Variants in DPP10 observed in about 807,000 individuals in gnomAD.
The protein encoded by DPP10 is dipeptidyl peptidase like 10, also known as inactive dipeptidyl peptidase 10.
DPP10 carries 33 observed loss-of-function variants against 120.9 expected under a neutral mutation model. The ratio of observed to expected loss-of-function variants is 0.27; its 90% CI spans 0.21 to 0.37. DPP10 has a LOEUF of 0.37. Among genes scored for constraint, DPP10 ranks in the 10% least tolerant of loss-of-function variants. The probability of loss-of-function intolerance (pLI) is 1.00; values close to 1 mark genes in which losing one functional copy is unlikely to be tolerated. For missense variants in DPP10, 816 were observed against 942.8 expected (o/e 0.87, Z 1.76); for synonymous variants, 337 against 326.1 (o/e 1.03, Z -0.36).
At chr2:114,825,230 A>G (rs1227577586) in intron 1 of DPP10, among the ~76,000 whole-genome samples, 1 of 152,228 alleles carries the variant, frequency 6.6e-6, no homozygotes, top group Non-Finnish European at 1.5e-5. Context: ...TTTATCCAAG[A>G]TAATTAGTTT....
chr2:115,799,367 G>A (rs974591268), intron 19 of DPP10, among the ~76,000 whole-genome samples: 6 of 151,478 alleles, frequency 4.0e-5, no homozygotes, highest in African/African-American at 1.5e-4. Flanking sequence ...ATTTATAAGG[G>A]CACACAAAAA....
At chr2:114,888,192 C>T (rs1278891945) in intron 1 of DPP10, among the ~76,000 whole-genome samples, 3 of 150,936 alleles carry the variant, frequency 2.0e-5, no homozygotes, top group Non-Finnish European at 4.4e-5. Flanking sequence ...ATCATAATAG[C>T]GCTGTATTAG....
Position 114,521,846 on chromosome 2 carries a change from C to T in DPP10, c.60+79008C>T, listed in dbSNP as rs1175683642. Among the ~76,000 whole-genome samples the T allele has an allele frequency of 5.3e-5, 7 of 131,070 alleles. 1 individual carries two copies. Among genetic ancestry groups the T allele is most frequent in the Admixed American group, 2.7e-4 (3 of 11,258 alleles). The allele number at this position is 131,070 out of a possible 152,430, so 86.0% of individuals were successfully genotyped here. Reference sequence around the variant, plus strand: ...TTTTTGAGATGGAGTCTCGCTCTGTCGCCCAGGCTGGAGTGCAGTGGCGCA... The same window carrying T: ...TTTTTGAGATGGAGTCTCGCTCTGTTGCCCAGGCTGGAGTGCAGTGGCGCA... On this transcript the variant is annotated intron_variant, in intron 1 of 25. Coordinates refer to ENST00000410059, the MANE Select transcript of DPP10 (RefSeq NM_020868.6).
chr2:115,024,586 G>A (rs1456160948), intron 1 of DPP10, among the ~76,000 whole-genome samples: 1 of 150,986 alleles, frequency 6.6e-6, no homozygotes, highest in Non-Finnish European at 1.5e-5. Context: ...AATGTATAAA[G>A]ATCAAATTAG....
chr2:115,080,232 G>C (rs1422705272), intron 1 of DPP10, among the ~76,000 whole-genome samples: 1 of 152,146 alleles, frequency 6.6e-6, no homozygotes, highest in Non-Finnish European at 1.5e-5. Context: ...TGGCCAGGCT[G>C]ATCGTGAACT....
intron 1 of DPP10, among the ~76,000 whole-genome samples, chr2:114,451,070 A>G (rs1349538137): frequency 1.3e-5 from 2 of 151,718 alleles, no homozygotes; most frequent in Admixed American, 6.6e-5. Context: ...TACTTATTGT[A>G]TTTAAAGATC....
At chr2:114,720,801 A>T (rs927243817) in intron 1 of DPP10, among the ~76,000 whole-genome samples, 2 of 152,184 alleles carry the variant, frequency 1.3e-5, no homozygotes, top group Non-Finnish European at 2.9e-5. Context: ...GTAGACTGTG[A>T]GCAGAACTTA....
At chr2:114,676,635 A>T (rs987965460) in intron 1 of DPP10, among the ~76,000 whole-genome samples, 5 of 152,260 alleles carry the variant, frequency 3.3e-5, no homozygotes, top group Admixed American at 1.3e-4. Flanking sequence ...ATTCCGATTC[A>T]TATGACTGGA....
intron 2 of DPP10, among the ~76,000 whole-genome samples, chr2:115,333,314 T>C (rs2062876366): frequency 6.6e-6 from 1 of 152,172 alleles, no homozygotes; most frequent in Non-Finnish European, 1.5e-5. Flanking sequence ...AGCCTATGTG[T>C]GTCTCTGCAT....
At chr2:115,186,323 A>G (rs2054431260) in intron 1 of DPP10, among the ~76,000 whole-genome samples, 1 of 152,186 alleles carries the variant, frequency 6.6e-6, no homozygotes, top group Admixed American at 6.5e-5. Flanking sequence ...TATAGACTGA[A>G]CATTATACAC....
intron 1 of DPP10, among the ~76,000 whole-genome samples, chr2:114,603,350 G>A (rs1315030260): frequency 2.6e-5 from 4 of 152,186 alleles, no homozygotes; most frequent in Non-Finnish European, 5.9e-5. Context: ...CAGATAGGCA[G>A]CATTGCAACT....
chr2:114,787,632 G>A lies in DPP10; in HGVS notation c.60+344794G>A, dbSNP rs149225471. Among the ~76,000 whole-genome samples the A allele has an allele frequency of 6.4e-3, 981 of 152,214 alleles. 6 individuals carry two copies. Among genetic ancestry groups the A allele is most frequent in the South Asian group, 0.032 (152 of 4,824 alleles). On this transcript the variant is annotated intron_variant, in intron 1 of 25. Transcript: ENST00000410059. Reference sequence around the variant, plus strand: ...ACTCAGCTTTGCTGTTCAGCACACCGTCACCATGCCACCCTTTACGTGCCT... The same window carrying A: ...ACTCAGCTTTGCTGTTCAGCACACCATCACCATGCCACCCTTTACGTGCCT...
At chr2:114,618,525 A>G (rs1234019809) in intron 1 of DPP10, among the ~76,000 whole-genome samples, 2 of 152,080 alleles carry the variant, frequency 1.3e-5, no homozygotes, top group African/African-American at 4.8e-5. Context: ...AAACACACTC[A>G]ATACTCTAAG....
At chr2:115,534,084 C>T (rs1171623511) in intron 5 of DPP10, among the ~76,000 whole-genome samples, 1 of 149,802 alleles carries the variant, frequency 6.7e-6, no homozygotes, top group African/African-American at 2.5e-5. Context: ...TTAAACAACA[C>T]ACTTTTATTT....
intron 3 of DPP10, among the ~76,000 whole-genome samples, chr2:115,412,691 A>G (rs1160711882): frequency 6.6e-6 from 1 of 152,194 alleles, no homozygotes; most frequent in Non-Finnish European, 1.5e-5. Context: ...AATGGAGTGT[A>G]TGTATTTAGG....
At chr2:115,515,221 A>C (rs568304161) in intron 4 of DPP10, among the ~76,000 whole-genome samples, 1 of 152,032 alleles carries the variant, frequency 6.6e-6, no homozygotes, top group African/African-American at 2.4e-5. Flanking sequence ...TTTCAAATAT[A>C]TATGTAGGCT....
At chr2:115,232,695 G>A (rs2057797038) in intron 1 of DPP10, among the ~76,000 whole-genome samples, 1 of 152,186 alleles carries the variant, frequency 6.6e-6, no homozygotes, top group African/African-American at 2.4e-5. Flanking sequence ...TGTAATCACT[G>A]CACATGACAA....
At chr2:114,901,750 C>T (rs1374024442) in intron 1 of DPP10, among the ~76,000 whole-genome samples, 1 of 152,144 alleles carries the variant, frequency 6.6e-6, no homozygotes, top group African/African-American at 2.4e-5. Flanking sequence ...CAGACCAGGG[C>T]AGAGCTTTCA....
At chr2:115,262,852 T>C (rs1240949392) in intron 1 of DPP10, among the ~76,000 whole-genome samples, 1 of 151,726 alleles carries the variant, frequency 6.6e-6, no homozygotes, top group Non-Finnish European at 1.5e-5. Context: ...TCATTCATAA[T>C]AGATTGTATA....
Sources: gnomAD v4.1 joint callset for allele counts (sites outside exome capture counted in the v4.1 genomes callset) on GRCh38, gnomAD v4.1.1 for gene constraint, MANE v1.5 for transcripts, NCBI Gene and HGNC (gene_info 2026-07-23, HGNC 2026-07-21) for gene names.